CLVS1: variants seen among roughly 807,000 people sequenced by gnomAD.
CLVS1 encodes the protein clavesin-1.
Under a neutral mutation model 33.1 loss-of-function variants are expected in CLVS1, and 10 were observed. The observed-to-expected ratio is 0.30, with a 90% CI of 0.19 to 0.51. CLVS1 has a LOEUF of 0.51. Among genes scored for constraint, CLVS1 ranks in the 20% least tolerant of loss-of-function variants. The probability of loss-of-function intolerance (pLI) is 0.97; values close to 1 mark genes in which losing one functional copy is unlikely to be tolerated. For synonymous variants in CLVS1, 163 were observed against 166.1 expected, an observed-to-expected ratio of 0.98 and a Z score of 0.14; for missense variants, 343 against 433.4, an observed-to-expected ratio of 0.79 and a Z score of 1.85.
At chr8:61,468,716 T>TAAAAAAAAAAAAAAAAAAAAAAAAAA (rs5891803) in intron 5 of CLVS1, among the ~76,000 whole-genome samples, 1 of 92,484 alleles carries the variant, frequency 1.1e-5, no homozygotes. Flanking sequence ...GTAAAAGTAC[T>TAAAAAAAAAAAAAAAAAAAAAAAAAA]AAAAAAAAAA....
chr8:61,239,260 A>G (rs887825660), intron 2 of CLVS1, among the ~76,000 whole-genome samples: 1 of 152,206 alleles, frequency 6.6e-6, no homozygotes, highest in Non-Finnish European at 1.5e-5. Context: ...ACATTGTAGA[A>G]TCTATACAAC....
At chr8:61,329,947 A>C (rs1423581934) in intron 2 of CLVS1, among the ~76,000 whole-genome samples, 1 of 152,076 alleles carries the variant, frequency 6.6e-6, no homozygotes. Context: ...TAGACTCTAA[A>C]GTTTAGAGGA....
chr8:61,047,088 C>T, the CLVS1 span, among the ~76,000 whole-genome samples: 2 of 152,222 alleles, frequency 1.3e-5, no homozygotes, highest in East Asian at 3.9e-4. Flanking sequence ...GGGAATGCTT[C>T]CAGTTTTTGA....
At chr8:61,000,224 T>G in the CLVS1 span, among the ~76,000 whole-genome samples, 3 of 152,202 alleles carry the variant, frequency 2.0e-5, no homozygotes, top group South Asian at 6.2e-4. Flanking sequence ...AGAAAGAGAG[T>G]CCCATCTCTA....
At chr8:61,011,712 G>C in the CLVS1 span, among the ~76,000 whole-genome samples, 2 of 152,178 alleles carry the variant, frequency 1.3e-5, no homozygotes, top group Non-Finnish European at 2.9e-5. Context: ...GTCCCAAAGT[G>C]CTGGGATTAC....
chr8:61,259,905 G>A (rs1395876172), intron 2 of CLVS1, among the ~76,000 whole-genome samples: 1 of 152,204 alleles, frequency 6.6e-6, no homozygotes, highest in African/African-American at 2.4e-5. Flanking sequence ...CACCAGGCTT[G>A]CAGGAGAGTC....
chr8:61,274,960 G>C (rs752716870), intron 2 of CLVS1, among the ~76,000 whole-genome samples: 39 of 152,216 alleles, frequency 2.6e-4, no homozygotes, highest in Middle Eastern at 6.8e-3. Context: ...GCTCTCTGGT[G>C]ATGCAAAGAA....
At chr8:61,284,005 G>T (rs985545615), upstream of CLVS1, among the ~76,000 whole-genome samples, 1 of 152,086 alleles carries the variant, frequency 6.6e-6, no homozygotes, top group Non-Finnish European at 1.5e-5. Flanking sequence ...TTTAAAAGTA[G>T]TATATATACA....
At chr8:61,009,175 T>TA in the CLVS1 span, among the ~76,000 whole-genome samples, 1 of 152,178 alleles carries the variant, frequency 6.6e-6, no homozygotes, top group Non-Finnish European at 1.5e-5. Flanking sequence ...TTAAAAATTT[T>TA]TTTTTTTTTT....
chr8:61,158,361 G>A (rs1373496635), intron 2 of CLVS1, among the ~76,000 whole-genome samples: 1 of 152,164 alleles, frequency 6.6e-6, no homozygotes, highest in Non-Finnish European at 1.5e-5. Context: ...CTCAATGGAA[G>A]TGCTCACCAT....
chr8:61,415,961 G>A (rs2129604322), intron 3 of CLVS1, among the ~76,000 whole-genome samples: 1 of 152,206 alleles, frequency 6.6e-6, no homozygotes, highest in South Asian at 2.1e-4. Flanking sequence ...ACAAAACAAA[G>A]CCTGGTGAAT....
At chr8:61,038,461 T>TATATATATATATATATATATGAC in the CLVS1 span, among the ~76,000 whole-genome samples, 6 of 117,770 alleles carry the variant, frequency 5.1e-5, no homozygotes, top group Admixed American at 7.8e-5. Flanking sequence ...ATATATGACA[T>TATATATATATATATATATATGAC]ATATATATAT....
At chr8:61,254,125 TTTTC>T (rs1437992212) in intron 2 of CLVS1, among the ~76,000 whole-genome samples, 1 of 152,208 alleles carries the variant, frequency 6.6e-6, no homozygotes, top group African/African-American at 2.4e-5. Flanking sequence ...TGTTTGTTTG[TTTTC>T]CTTCTAACAG....
chr8:61,408,321 G>C (rs908053383), intron 3 of CLVS1, among the ~76,000 whole-genome samples: 1 of 152,172 alleles, frequency 6.6e-6, no homozygotes, highest in African/African-American at 2.4e-5. Context: ...CAAAGAACCA[G>C]GGTGGAACTT....
rs1479709962 is a variant in CLVS1, at chr8:61,376,751, T to C, written c.602T>C (p.Ile201Thr). The C allele has an allele frequency of 6.2e-7, 1 of 1,614,082 alleles. No homozygotes were observed. The highest frequency in any genetic ancestry group is 1.7e-5 in the Admixed American group (1 of 60,012). Reference sequence around the variant, plus strand: ...CAAGCCTCCAAACTGACACCTTCAATCCTTAAACTGGCCATTGAAGGGTTG... The same window carrying C: ...CAAGCCTCCAAACTGACACCTTCAACCCTTAAACTGGCCATTGAAGGGTTG... Reference protein sequence around the residue: ...FKQASKLTPSILKLAIEGLQD... With the variant: ...FKQASKLTPSTLKLAIEGLQD... Residue 201 changes from isoleucine to threonine, a missense_variant, in exon 3 of 6, where the codon ATC becomes ACC. Transcript: ENST00000325897.
At chr8:61,113,468 C>T (rs1041054740) in intron 1 of CLVS1, among the ~76,000 whole-genome samples, 16 of 152,080 alleles carry the variant, frequency 1.1e-4, no homozygotes, top group African/African-American at 3.9e-4. Flanking sequence ...GTGAGCAGAG[C>T]CATGTGGGAG....
At chr8:61,418,082 G>T (rs773879992) in intron 3 of CLVS1, among the ~76,000 whole-genome samples, 1 of 152,212 alleles carries the variant, frequency 6.6e-6, no homozygotes, top group Admixed American at 6.5e-5. Context: ...AAGGGAGCCC[G>T]GCTCTGCCTG....
the CLVS1 span, among the ~76,000 whole-genome samples, chr8:61,022,364 C>G: frequency 6.6e-6 from 1 of 152,194 alleles, no homozygotes; most frequent in African/African-American, 2.4e-5. Flanking sequence ...TTATGCCACA[C>G]TGATCTCTAG....
chr8:61,422,421 A>G (rs867792848), intron 3 of CLVS1, among the ~76,000 whole-genome samples: 21 of 152,322 alleles, frequency 1.4e-4, no homozygotes, highest in African/African-American at 3.6e-4. Context: ...GGAAAACAGG[A>G]CAAATAAATA....
Sources: gnomAD v4.1 joint callset for allele counts (sites outside exome capture counted in the v4.1 genomes callset) on GRCh38, gnomAD v4.1.1 for gene constraint, MANE v1.5 for transcripts, NCBI Gene and HGNC (gene_info 2026-07-23, HGNC 2026-07-21) for gene names.